ABCA6: variants seen among roughly 807,000 people sequenced by gnomAD.
ABCA6 encodes the protein ATP-binding cassette sub-family A member 6.
In ABCA6, 164 loss-of-function variants were observed where a neutral mutation model predicts 191.2. The observed-to-expected ratio is 0.86, with a 90% confidence interval of 0.76 to 0.98. ABCA6 has a LOEUF of 0.98. ABCA6 is among the 50% of genes least tolerant of loss of function. The pLI is 0.00. For missense variants in ABCA6, 1,958 were observed against 1,894.1 expected, an observed-to-expected ratio of 1.03 and a Z score of -0.63; for synonymous variants, 636 against 647.7, an observed-to-expected ratio of 0.98 and a Z score of 0.27.
At chr17:69,105,896 A>G (rs545129277) in intron 19 of ABCA6, 132 bp downstream of exon 19, 1 of 1,034,768 alleles carries the variant, frequency 9.7e-7, no homozygotes, top group African/African-American at 1.6e-5. Flanking sequence ...CACTGTCAGA[A>G]AAATTAAATG....
rs751318628 is a variant in ABCA6, at chr17:69,113,657, T to C, written c.1863A>G (p.Arg621=). 3.1e-6 allele frequency: 5 copies of C among 1,613,110 alleles called. No homozygotes were observed. The highest frequency in any genetic ancestry group is 4.2e-6 in the Non-Finnish European group (5 of 1,179,394). ...LAKHLSEGQK[R]KLTFGITILG... is the part of the protein sequence containing the mutation. The stretch of plus-strand genomic sequence containing the variant: ...AAATGGTAATCCCAAAAGTCAGCTT[T>C]CTTTTCTGTCCTTCACTTAAATGTT... Residue 621 remains arginine, a synonymous_variant, in exon 14 of 39, where the codon AGA becomes AGG. Transcript: ENST00000284425.
At chr17:69,105,385 T>G (rs2073273720) in intron 20 of ABCA6, 77 bp downstream of exon 20, 1 of 1,362,672 alleles carries the variant, frequency 7.3e-7, no homozygotes, top group East Asian at 3.1e-5. Flanking sequence ...TATGATTCAC[T>G]TCCCCCCCCC....
At chr17:69,079,400 G>T in intron 37 of ABCA6, 135 bp from the exon 38 acceptor site, 1 of 548,564 alleles carries the variant, frequency 1.8e-6, no homozygotes, top group Non-Finnish European at 3.1e-6. Flanking sequence ...TTGATGTAAG[G>T]ATGAAATAAT....
chr17:69,094,567 A>G (rs2073004262), intron 25 of ABCA6: 1 of 162,642 alleles, frequency 6.1e-6, no homozygotes, highest in South Asian at 1.8e-4. Context: ...GCCTGCAGCC[A>G]TGAGGAAATT....
chr17:69,137,575 T>A, intron 2 of ABCA6, 75 bp from the exon 3 acceptor site: 1 of 1,377,622 alleles, frequency 7.3e-7, no homozygotes, highest in Admixed American at 2.2e-5. Context: ...TACAAAATAC[T>A]GTTGAAAACA....
At position 69,106,033 on chromosome 17, in the gene ABCA6, C is replaced by A. The variant is rs1479099776; in HGVS notation, c.2568G>T (p.Leu856Phe). Residue 856 changes from leucine (L) to phenylalanine (F), a missense_variant, in exon 19 of 39, where the codon TTG becomes TTT. Leu to Phe is a conservative substitution (Grantham distance 22, BLOSUM62 0). Transcript: ENST00000284425. ...LKLKRQTKVL[L>F]TLLLVFGIAI... Reference sequence around the variant, plus strand: ...CACAGTACTCTCCTACTCACAGGGTCAATAACACTTTAGTTTGACGTTTTA... The same window carrying A: ...CACAGTACTCTCCTACTCACAGGGTAAATAACACTTTAGTTTGACGTTTTA... 1.9e-6 allele frequency: 3 copies of A among 1,610,194 alleles called. No homozygotes were observed. The highest frequency in any genetic ancestry group is 1.1e-5 in the South Asian group (1 of 90,180).
Position 69,102,216 on chromosome 17 carries a change from C to T in ABCA6, c.2874+619G>A, listed in dbSNP as rs181252740. 2.0e-3 allele frequency among the ~76,000 whole-genome samples: 304 copies of T among 152,172 alleles called. 1 individual carries two copies. Among genetic ancestry groups the T allele is most frequent in the Middle Eastern group, 6.8e-3 (2 of 294 alleles). ...CAAAAATTAGCTGGGCATGGTGGTGCCTGCTTGTAATTCCAGCTACTCTGG... is the reference window on the plus strand; with the variant it reads ...CAAAAATTAGCTGGGCATGGTGGTGTCTGCTTGTAATTCCAGCTACTCTGG... On this transcript the variant is annotated intron_variant, in intron 21 of 38. Coordinates refer to ENST00000284425, the MANE Select transcript of ABCA6 (RefSeq NM_080284.3).
chr17:69,112,505 A>C, intron 15 of ABCA6: 1 of 434,158 alleles, frequency 2.3e-6, no homozygotes, highest in Admixed American at 3.7e-5. Context: ...CTTTTGCAGC[A>C]ACATGGATGG....
chr17:69,107,516 T>A (rs1187093410), intron 18 of ABCA6, among the ~76,000 whole-genome samples, 180 bp downstream of exon 18: 2 of 152,152 alleles, frequency 1.3e-5, no homozygotes, highest in South Asian at 4.1e-4. Context: ...CATGAAGGGA[T>A]CTGTGATCAG....
chr17:69,122,116 T>A (rs2073659215), intron 10 of ABCA6, among the ~76,000 whole-genome samples: 1 of 152,060 alleles, frequency 6.6e-6, no homozygotes, highest in African/African-American at 2.4e-5. Flanking sequence ...ACTATCTGGA[T>A]TACAATTCCA....
intron 25 of ABCA6, among the ~76,000 whole-genome samples, chr17:69,092,075 AT>A (rs1006842928): frequency 1.1e-4 from 16 of 152,046 alleles, no homozygotes; most frequent in African/African-American, 3.9e-4. Flanking sequence ...GAGATTGTGT[AT>A]TTTTATTGTG....
At chr17:69,084,593 A>C in intron 32 of ABCA6, 86 bp from the exon 33 acceptor site, 2 of 1,157,632 alleles carry the variant, frequency 1.7e-6, no homozygotes, top group Non-Finnish European at 2.5e-6. Flanking sequence ...CATTAGAGGG[A>C]AGTTTAGTAA....
chr17:69,117,973 G>A lies in ABCA6; in HGVS notation c.1437-17C>T, dbSNP rs1448554296. The stretch of plus-strand genomic sequence containing the variant: ...TTTCTGATTCTGAAATAACAAAAAG[G>A]GTGCTTACTTAGCCAACACAGAAGT... On this transcript the variant is annotated splice_polypyrimidine_tract_variant and intron_variant, in intron 10 of 38. Coordinates refer to ENST00000284425, the MANE Select transcript of ABCA6 (RefSeq NM_080284.3). 2 of 1,570,460 alleles carry A rather than the reference G, an allele frequency of 1.3e-6. No homozygotes were observed. The highest frequency in any genetic ancestry group is 1.4e-5 in the African/African-American group (1 of 73,366).
intron 27 of ABCA6, among the ~76,000 whole-genome samples, chr17:69,088,947 A>G (rs1303812738): frequency 1.3e-5 from 2 of 152,106 alleles, no homozygotes; most frequent in Non-Finnish European, 2.9e-5. Context: ...CACCCATCTG[A>G]CACCACACAT....
chr17:69,131,574 A>C (rs1598060026), intron 6 of ABCA6, among the ~76,000 whole-genome samples: 1 of 24,290 alleles, frequency 4.1e-5, no homozygotes, highest in Non-Finnish European at 1.5e-4. Context: ...CTATCTTGCT[A>C]AAAAACAAAG....
intron 15 of ABCA6, chr17:69,112,874 G>GAA (rs66841849): frequency 6.0e-5 from 9 of 149,198 alleles, no homozygotes; most frequent in South Asian, 4.4e-4. Context: ...AATACTTTCT[G>GAA]AAAAAAAAAA....
intron 26 of ABCA6, among the ~76,000 whole-genome samples, chr17:69,090,737 G>A (rs889314566): frequency 6.6e-6 from 1 of 152,142 alleles, no homozygotes; most frequent in Non-Finnish European, 1.5e-5. Flanking sequence ...ATGATTGAAT[G>A]GAATCGCATA....
At chr17:69,080,768 GCAAAGCAGGC>G (rs2072611250) in intron 37 of ABCA6, among the ~76,000 whole-genome samples, 1 of 152,144 alleles carries the variant, frequency 6.6e-6, no homozygotes, top group South Asian at 2.1e-4. Flanking sequence ...ATACATGTAG[GCAAAGCAGGC>G]CACACAGAGG....
chr17:69,096,536 T>A, intron 24 of ABCA6, 92 bp downstream of exon 24: 2 of 1,057,288 alleles, frequency 1.9e-6, no homozygotes, highest in Non-Finnish European at 2.5e-6. Flanking sequence ...TTACAAAATA[T>A]GAATTAAAAC....
Sources: allele counts gnomAD v4.1 joint callset (sites outside exome capture counted in the v4.1 genomes callset), GRCh38; gene constraint gnomAD v4.1.1; transcripts MANE v1.5; gene names NCBI Gene and HGNC (gene_info 2026-07-23, HGNC 2026-07-21).